Variants in CAP2 observed in about 807,000 individuals in gnomAD.
The protein encoded by CAP2 is adenylyl cyclase-associated protein 2.
In CAP2, 24 loss-of-function variants were observed where a neutral mutation model predicts 57.7. The observed-to-expected ratio is 0.42, with a 90% confidence interval of 0.30 to 0.58. The LOEUF is 0.58. Ranked by LOEUF, CAP2 falls within the 20% of genes least tolerant of loss-of-function variation. The pLI is 0.22. For missense variants in CAP2, 501 were observed against 590.3 expected (o/e 0.85, Z 1.57); for synonymous variants, 194 against 207.2 (o/e 0.94, Z 0.55).
rs558920735 is a variant in CAP2 at position 17,404,401 on chromosome 6, G to T, written c.-2+10655G>T. ...CGGGCAGATCACGAGGTCAGGAGAT[G>T]GAGACCATCCTGGCTAACACGGTGA... On this transcript the variant is annotated intron_variant, in intron 1 of 12. Transcript: ENST00000229922. Among the ~76,000 whole-genome samples, 497 of 152,206 alleles carry T rather than the reference G, an allele frequency of 3.3e-3. 1 individual carries two copies. The highest frequency in any genetic ancestry group is 6.8e-3 in the Middle Eastern group (2 of 294).
At chr6:17,526,851 G>T (rs1377349413) in intron 7 of CAP2, among the ~76,000 whole-genome samples, 1 of 151,484 alleles carries the variant, frequency 6.6e-6, no homozygotes, top group Non-Finnish European at 1.5e-5. Flanking sequence ...CAGCTACCCG[G>T]GAGGCTGAGG....
chr6:17,529,238 C>A lies in CAP2; in HGVS notation c.637-10031C>A, dbSNP rs1762579774. On this transcript the variant is annotated intron_variant, in intron 7 of 12. Coordinates refer to ENST00000229922, the MANE Select transcript of CAP2 (RefSeq NM_006366.3). Reference sequence around the variant, plus strand: ...GCTATAAATATGAATGTAAAATTTGCAAGTTATTATGGAAATTAACAAATT... The same window carrying A: ...GCTATAAATATGAATGTAAAATTTGAAAGTTATTATGGAAATTAACAAATT... 3.3e-5 allele frequency among the ~76,000 whole-genome samples: 5 copies of A among 152,098 alleles called. No homozygotes were observed. In the South Asian group the frequency reaches 1.0e-3, roughly 32 times the overall value.
intron 7 of CAP2, among the ~76,000 whole-genome samples, chr6:17,538,639 C>T (rs1762828937): frequency 6.6e-6 from 1 of 152,272 alleles, no homozygotes; most frequent in Non-Finnish European, 1.5e-5. Flanking sequence ...CACTAACAGC[C>T]AACATTTGAT....
At chr6:17,470,468 T>G (rs1160277989) in intron 4 of CAP2, among the ~76,000 whole-genome samples, 1 of 152,146 alleles carries the variant, frequency 6.6e-6, no homozygotes, top group Non-Finnish European at 1.5e-5. Flanking sequence ...CAGAAGAGAT[T>G]TTTTTTCTTG....
At chr6:17,534,340 C>T (rs1262177904) in intron 7 of CAP2, among the ~76,000 whole-genome samples, 2 of 152,212 alleles carry the variant, frequency 1.3e-5, no homozygotes, top group Non-Finnish European at 2.9e-5. Context: ...GCAGATCCAA[C>T]CATATAGCTT....
chr6:17,442,018 T>C (rs553025878), intron 3 of CAP2, among the ~76,000 whole-genome samples: 1 of 152,166 alleles, frequency 6.6e-6, no homozygotes, highest in Admixed American at 6.5e-5. Context: ...CGTTATTGCC[T>C]GTACAAACAA....
At chr6:17,421,089 C>G (rs191501123) in intron 1 of CAP2, among the ~76,000 whole-genome samples, 166 of 152,248 alleles carry the variant, frequency 1.1e-3, no homozygotes, top group African/African-American at 3.8e-3. Flanking sequence ...TTTACACTAA[C>G]TTGGATGGAG....
Position 17,496,037 on chromosome 6 carries a change from G to GGGT in CAP2, c.301-11131_301-11129dup, listed in dbSNP as rs1561804690. 1.4e-4 allele frequency among the ~76,000 whole-genome samples: 18 copies of GGGT among 132,368 alleles called. 1 individual carries two copies. Among genetic ancestry groups the GGGT allele is most frequent in the South Asian group, 8.8e-4 (3 of 3,390 alleles). The allele number at this position is 132,368 out of a possible 152,430, so 86.8% of individuals were successfully genotyped here. A position where few individuals can be genotyped will look rare whatever the true frequency, so the allele number is the denominator to read the frequency against. On this transcript the variant is annotated intron_variant, in intron 4 of 12. Transcript: ENST00000229922. ...GCATGCGTGTGTGGGTGGGGGGGGGGGGTAAGTCAGGGAAAACAGGCTGCT... is the reference window on the plus strand; with the variant it reads ...GCATGCGTGTGTGGGTGGGGGGGGGGGGTGGTAAGTCAGGGAAAACAGGCTGCT...
At chr6:17,479,809 G>C (rs940266777) in intron 4 of CAP2, among the ~76,000 whole-genome samples, 3 of 151,638 alleles carry the variant, frequency 2.0e-5, no homozygotes, top group African/African-American at 7.3e-5. Flanking sequence ...TAGACATGGG[G>C]TTTCACCATG....
intron 4 of CAP2, among the ~76,000 whole-genome samples, chr6:17,490,011 C>T (rs1356081025): frequency 2.0e-5 from 3 of 152,104 alleles, no homozygotes; most frequent in South Asian, 4.2e-4. Flanking sequence ...CATTATCCCT[C>T]CTCTTACTTG....
intron 7 of CAP2, among the ~76,000 whole-genome samples, chr6:17,527,912 T>C (rs1762549099): frequency 6.6e-6 from 1 of 152,180 alleles, no homozygotes; most frequent in Non-Finnish European, 1.5e-5. Flanking sequence ...CATGTGTTCA[T>C]TATATTCTTC....
chr6:17,481,817 C>T (rs1459467943), intron 4 of CAP2, among the ~76,000 whole-genome samples: 1 of 152,198 alleles, frequency 6.6e-6, no homozygotes, highest in East Asian at 1.9e-4. Context: ...CCCATCCTCC[C>T]CTCCTCCAAA....
intron 1 of CAP2, among the ~76,000 whole-genome samples, chr6:17,404,254 C>G (rs959171583): frequency 5.3e-5 from 8 of 152,064 alleles, no homozygotes; most frequent in Admixed American, 2.0e-4. Flanking sequence ...GGGTGGATCA[C>G]GAGGTCAGGC....
At position 17,513,416 on chromosome 6, in the gene CAP2, C is replaced by T. The variant is rs1276589682; in HGVS notation, c.531-433C>T. Reference sequence around the variant, plus strand: ...TTCAACAGAATTATTAGAAAATGAACCCAATGACTTTTTTTTTCTTTTTAA... The same window carrying T: ...TTCAACAGAATTATTAGAAAATGAATCCAATGACTTTTTTTTTCTTTTTAA... On this transcript the variant is annotated intron_variant, in intron 6 of 12. Coordinates refer to ENST00000229922, the MANE Select transcript of CAP2 (RefSeq NM_006366.3). The surrounding 1 kb of genome is among the most constrained non-coding windows in gnomAD (Gnocchi z 4.3). 1.3e-5 allele frequency among the ~76,000 whole-genome samples: 2 copies of T among 151,912 alleles called. No individual in the cohort carries two copies. The highest frequency in any genetic ancestry group is 6.6e-5 in the Admixed American group (1 of 15,260).
intron 1 of CAP2, among the ~76,000 whole-genome samples, chr6:17,419,838 C>G (rs1759387016): frequency 1.3e-5 from 2 of 151,930 alleles, no homozygotes; most frequent in Non-Finnish European, 2.9e-5. Context: ...TGCCCGCCAC[C>G]ATGCCTGGCT....
Position 17,452,729 on chromosome 6 carries a change from C to T in CAP2, c.223-10267C>T, listed in dbSNP as rs188035995. On this transcript the variant is annotated intron_variant, in intron 3 of 12. Coordinates refer to ENST00000229922, the MANE Select transcript of CAP2 (RefSeq NM_006366.3). The stretch of plus-strand genomic sequence containing the variant: ...AGCAGAAGCAATCCAAGTAAAACAG[C>T]GCACTTATCAGAGAGTTTCTTAGTG... Among the ~76,000 whole-genome samples, 85 of 152,284 alleles carry T rather than the reference C, an allele frequency of 5.6e-4. 1 individual carries two copies. Among genetic ancestry groups the T allele is most frequent in the Non-Finnish European group, 3.1e-4 (21 of 68,030 alleles).
chr6:17,464,884 G>A (rs145498169), intron 4 of CAP2, among the ~76,000 whole-genome samples: 2 of 152,332 alleles, frequency 1.3e-5, no homozygotes, highest in East Asian at 1.9e-4. Flanking sequence ...GGGAGGAGAG[G>A]TGGTCCAATT....
intron 1 of CAP2, 129 bp from the exon 2 acceptor site, chr6:17,421,426 T>TA: frequency 1.1e-6 from 1 of 920,806 alleles, no homozygotes; most frequent in Admixed American, 2.3e-5. Flanking sequence ...ATTTCATGGT[T>TA]AAAAAATAAA....
intron 4 of CAP2, among the ~76,000 whole-genome samples, chr6:17,466,241 T>C (rs1409987066): frequency 6.6e-6 from 1 of 152,198 alleles, no homozygotes; most frequent in Admixed American, 6.5e-5. Flanking sequence ...GGAAGAGAAT[T>C]AACTGCTGTA....
Sources: gnomAD v4.1 joint callset for allele counts (sites outside exome capture counted in the v4.1 genomes callset) on GRCh38, gnomAD v4.1.1 for gene constraint, Gnocchi (gnomAD v3.1) non-coding constraint, MANE v1.5 for transcripts, NCBI Gene and HGNC (gene_info 2026-07-23, HGNC 2026-07-21) for gene names.